CLDN12: variants seen among roughly 807,000 people sequenced by gnomAD.
CLDN12 encodes the protein claudin-12.
In CLDN12, 9 loss-of-function variants were observed where a neutral mutation model predicts 15.5. That is an observed-to-expected ratio of 0.58 (90% CI 0.35 to 1.02). CLDN12 has a LOEUF of 1.02. CLDN12 is among the 50% of genes least tolerant of loss of function. The pLI, the probability that CLDN12 is intolerant of heterozygous loss-of-function variation, is 0.02. For synonymous variants in CLDN12, 140 were observed against 121.6 expected (o/e 1.15, Z -1.00); for missense variants, 233 against 297.3 (o/e 0.78, Z 1.59).
At chr7:90,407,723 G>A (rs1228216668) in intron 2 of CLDN12, among the ~76,000 whole-genome samples, 1 of 152,174 alleles carries the variant, frequency 6.6e-6, no homozygotes, top group Non-Finnish European at 1.5e-5. Flanking sequence ...AGGGACAGGG[G>A]GAGGTTTAGG....
Position 90,413,189 on chromosome 7 carries a change from T to C in CLDN12, c.513T>C (p.Phe171=), listed in dbSNP as rs1366238040. 2 of 1,614,124 alleles carry C rather than the reference T, an allele frequency of 1.2e-6. No individual in the cohort carries two copies. Among genetic ancestry groups the C allele is most frequent in the Non-Finnish European group, 8.5e-7 (1 of 1,180,048 alleles). The change falls in exon 4 of 4, where the codon TTT becomes TTC. Residue 171 remains phenylalanine, a synonymous_variant. Transcript: ENST00000496677. ...LNKKFEPVFS[F]DYAVYVTIAS... Reference sequence around the variant, plus strand: ...AGAAGTTTGAGCCAGTCTTTTCATTTGACTATGCAGTGTATGTCACTATTG... The same window carrying C: ...AGAAGTTTGAGCCAGTCTTTTCATTCGACTATGCAGTGTATGTCACTATTG...
At chr7:90,411,905 G>C (rs1377951869) in intron 2 of CLDN12, 102 bp from the exon 3 acceptor site, 1 of 152,192 alleles carries the variant, frequency 6.6e-6, no homozygotes, top group East Asian at 1.9e-4. Flanking sequence ...CATAGCATTT[G>C]TTGTGTTCTA....
At chr7:90,411,053 A>G (rs1796951689) in intron 2 of CLDN12, among the ~76,000 whole-genome samples, 1 of 152,172 alleles carries the variant, frequency 6.6e-6, no homozygotes, top group African/African-American at 2.4e-5. Flanking sequence ...TAGATTAAAT[A>G]TACAAATAAC....
intron 3 of CLDN12, 168 bp from the exon 4 acceptor site, chr7:90,412,476 C>T: frequency 1.7e-6 from 1 of 581,400 alleles, no homozygotes; most frequent in Non-Finnish European, 3.0e-6. Context: ...AGGTCACACA[C>T]ACCTGCATGT....
chr7:90,412,883 GTACGA>G lies in CLDN12; in HGVS notation c.208_212del (p.Tyr70HisfsTer8). On this transcript the variant is annotated frameshift_variant, in exon 4 of 4. Coordinates refer to ENST00000496677, the MANE Select transcript of CLDN12 (RefSeq NM_001185072.3). LOFTEE classifies it high-confidence loss of function. ...ATGACGGGAGCAGTGACTGCCTGAT[GTACGA>G]CACTACTTGGTACTCATCAGTTGAC... The G allele has an allele frequency of 6.2e-7, 1 of 1,614,114 alleles. No individual in the cohort carries two copies. Among genetic ancestry groups the G allele is most frequent in the Non-Finnish European group, 8.5e-7 (1 of 1,180,054 alleles).
chr7:90,412,629 T>C lies in CLDN12; in HGVS notation c.-33-15T>C. ...TGTCCCCTCATGATTTGTCCTCTTG[T>C]GTGTCACCCCCTAGTCTGACTGACA... On this transcript the variant is annotated splice_polypyrimidine_tract_variant and intron_variant, in intron 3 of 3. Coordinates refer to ENST00000496677, the MANE Select transcript of CLDN12 (RefSeq NM_001185072.3). 6.4e-7 allele frequency: 1 copy of C among 1,573,808 alleles called. No individual in the cohort carries two copies. Among genetic ancestry groups the C allele is most frequent in the Non-Finnish European group, 8.6e-7 (1 of 1,160,480 alleles).
chr7:90,408,551 C>G (rs1026655948), intron 2 of CLDN12, among the ~76,000 whole-genome samples: 1 of 152,108 alleles, frequency 6.6e-6, no homozygotes, highest in South Asian at 2.1e-4. Context: ...TATGACTTAT[C>G]AAATCATAGG....
chr7:90,407,684 G>T (rs921083946), intron 2 of CLDN12, among the ~76,000 whole-genome samples: 4 of 152,198 alleles, frequency 2.6e-5, no homozygotes, highest in Admixed American at 6.5e-5. Flanking sequence ...AGAAGAAAAA[G>T]TGCAAAAGTG....
rs756850579 is a variant in CLDN12, at chr7:90,413,370, G to A, written c.694G>A (p.Ala232Thr). Reference protein sequence around the residue: ...QPYSARSRLSAIEIDIPVVSH... With the variant: ...QPYSARSRLSTIEIDIPVVSH... ...CTATTCAGCACGCTCTCGCCTCTCT[G>A]CCATTGAAATTGACATTCCAGTAGT... The change falls in exon 4 of 4, where the codon GCC (alanine) becomes ACC (threonine). Residue 232 changes from alanine (A) to threonine (T), a missense_variant. Coordinates refer to ENST00000496677, the MANE Select transcript of CLDN12 (RefSeq NM_001185072.3). 2 of 1,613,942 alleles carry A rather than the reference G, an allele frequency of 1.2e-6. No individual in the cohort carries two copies. The highest frequency in any genetic ancestry group is 1.3e-5 in the African/African-American group (1 of 75,024).
chr7:90,413,023 C>T lies in CLDN12; in HGVS notation c.347C>T (p.Ser116Leu), dbSNP rs747740249. The change falls in exon 4 of 4, where the codon TCG becomes TTG. Residue 116 changes from serine (S) to leucine (L), a missense_variant. Physicochemically the swap from Ser to Leu is moderately radical, Grantham distance 145 (BLOSUM62 -2). Coordinates refer to ENST00000496677, the MANE Select transcript of CLDN12 (RefSeq NM_001185072.3). ...IGMCNTAFRS[S>L]VPNIKLAKCL... ...ATGTGCAACACTGCCTTCAGGTCCT[C>T]GGTGCCCAACATCAAACTGGCCAAG... 5.0e-6 allele frequency: 8 copies of T among 1,614,070 alleles called. No individual in the cohort carries two copies. The highest frequency in any genetic ancestry group is 4.5e-5 in the East Asian group (2 of 44,894).
In CLDN12 at chr7:90,414,463, C is replaced by A; in HGVS notation, c.*1052C>A. On this transcript the variant is annotated 3_prime_UTR_variant, in exon 4 of 4. Coordinates refer to ENST00000496677, the MANE Select transcript of CLDN12 (RefSeq NM_001185072.3). ...ACTTTAGTAGGTGCTATAGAGGATA[C>A]ATGAAAAGTATGAGATCTGGTTCCA... The A allele has an allele frequency of 1.1e-6, 1 of 901,662 alleles. No homozygotes were observed. Among genetic ancestry groups the A allele is most frequent in the Non-Finnish European group, 1.4e-6 (1 of 740,212 alleles). The allele number at this position is 901,662 out of a possible 1,614,324, so 55.9% of individuals were successfully genotyped here. A position where few individuals can be genotyped will look rare whatever the true frequency, so the allele number is the denominator to read the frequency against.
rs1375782905 is a variant in CLDN12 at position 90,413,282 on chromosome 7, G to C, written c.606G>C (p.Leu202Phe). Residue 202 changes from leucine (L) to phenylalanine (F), a missense_variant, in exon 4 of 4, where the codon TTG becomes TTC. Physicochemically the swap from Leu to Phe is conservative, Grantham distance 22. Transcript: ENST00000496677. Reference sequence around the variant, plus strand: ...TTTGGTATTGTACATGCAAATCTTTGCCTTCTCCTTTCTGGCAACCATTGT... The same window carrying C: ...TTTGGTATTGTACATGCAAATCTTTCCCTTCTCCTTTCTGGCAACCATTGT... ...LFIWYCTCKS[L>F]PSPFWQPLYS... is the part of the protein sequence containing the mutation. 1 of 1,613,948 alleles carries C rather than the reference G, an allele frequency of 6.2e-7. No individual in the cohort carries two copies. The highest frequency in any genetic ancestry group is 1.3e-5 in the African/African-American group (1 of 74,880).
chr7:90,413,791 C>T lies in CLDN12; in HGVS notation c.*380C>T, dbSNP rs1797021149. Reference sequence around the variant, plus strand: ...TGTGTATTTTTCTTTTTCTATAATACCTTTAACTGCAAAGAAAAGGCAGTT... The same window carrying T: ...TGTGTATTTTTCTTTTTCTATAATATCTTTAACTGCAAAGAAAAGGCAGTT... On this transcript the variant is annotated 3_prime_UTR_variant, in exon 4 of 4. Transcript: ENST00000496677. 1 of 1,009,362 alleles carries T rather than the reference C, an allele frequency of 9.9e-7. No homozygotes were observed. The allele number at this position is 1,009,362 out of a possible 1,614,324, so 62.5% of individuals were successfully genotyped here. A position where few individuals can be genotyped will look rare whatever the true frequency, so the allele number is the denominator to read the frequency against.
intron 2 of CLDN12, among the ~76,000 whole-genome samples, chr7:90,407,686 G>A (rs995326682): frequency 8.5e-5 from 13 of 152,288 alleles, no homozygotes; most frequent in African/African-American, 3.1e-4. Context: ...AAGAAAAAGT[G>A]CAAAAGTGCT....
At position 90,413,083 on chromosome 7, in the gene CLDN12, C is replaced by T. The variant is rs775546156; in HGVS notation, c.407C>T (p.Ala136Val). ...LVNSAGCHLVAGLLFFLAGTV... is the reference protein window; with the variant it reads ...LVNSAGCHLVVGLLFFLAGTV... ...AATAGTGCAGGTTGCCACCTGGTGG[C>T]TGGGCTGCTATTTTTCCTGGCAGGT... Residue 136 changes from alanine to valine, a missense_variant, in exon 4 of 4, where the codon GCT (alanine) becomes GTT (valine). Ala to Val is a moderately conservative substitution (Grantham distance 64). Coordinates refer to ENST00000496677, the MANE Select transcript of CLDN12 (RefSeq NM_001185072.3). 1.2e-6 allele frequency: 2 copies of T among 1,614,198 alleles called. No homozygotes were observed. The highest frequency in any genetic ancestry group is 2.2e-5 in the South Asian group (2 of 91,090).
intron 2 of CLDN12, among the ~76,000 whole-genome samples, chr7:90,408,097 C>A (rs981751439): frequency 6.6e-6 from 1 of 152,230 alleles, no homozygotes; most frequent in Non-Finnish European, 1.5e-5. Flanking sequence ...CTAATTGACA[C>A]AGCACAAGAG....
intron 1 of CLDN12, among the ~76,000 whole-genome samples, chr7:90,404,374 C>T (rs1796793465): frequency 6.6e-6 from 1 of 152,110 alleles, no homozygotes; most frequent in Non-Finnish European, 1.5e-5. Flanking sequence ...TGATGAACGC[C>T]TCAATCCAGG....
At position 90,413,092 on chromosome 7, in the gene CLDN12, T is replaced by C; in HGVS notation, c.416T>C (p.Leu139Pro). Residue 139 changes from leucine (L) to proline (P), a missense_variant, in exon 4 of 4, where the codon CTA becomes CCA. Coordinates refer to ENST00000496677, the MANE Select transcript of CLDN12 (RefSeq NM_001185072.3). ...GGTTGCCACCTGGTGGCTGGGCTGC[T>C]ATTTTTCCTGGCAGGTACTGTGAGC... ...SAGCHLVAGL[L>P]FFLAGTVSLS... 6.2e-7 allele frequency: 1 copy of C among 1,614,224 alleles called. No individual in the cohort carries two copies. Among genetic ancestry groups the C allele is most frequent in the Non-Finnish European group, 8.5e-7 (1 of 1,180,038 alleles).
intron 2 of CLDN12, among the ~76,000 whole-genome samples, chr7:90,406,401 G>A (rs1796836546): frequency 6.6e-6 from 1 of 152,014 alleles, no homozygotes; most frequent in Non-Finnish European, 1.5e-5. Flanking sequence ...AATGTGAAGT[G>A]GTTATTTGAA....
Sources: allele counts gnomAD v4.1 joint callset (sites outside exome capture counted in the v4.1 genomes callset), GRCh38; gene constraint gnomAD v4.1.1; transcripts MANE v1.5; gene names NCBI Gene and HGNC (gene_info 2026-07-23, HGNC 2026-07-21).